Variants in SNTB1 observed in about 807,000 individuals in gnomAD.
SNTB1 encodes the protein syntrophin beta 1.
Under a neutral mutation model 48.9 loss-of-function variants are expected in SNTB1, and 36 were observed. The ratio of observed to expected loss-of-function variants is 0.74; its 90% CI spans 0.56 to 0.97. The LOEUF (loss-of-function observed/expected upper bound fraction) is 0.97. Among genes scored for constraint, SNTB1 ranks in the 50% least tolerant of loss-of-function variants. The pLI is 0.00. For missense variants in SNTB1, 786 were observed against 703.4 expected, an observed-to-expected ratio of 1.12 and a Z score of -1.33; for synonymous variants, 299 against 294.6, an observed-to-expected ratio of 1.01 and a Z score of -0.15.
intron 4 of SNTB1, among the ~76,000 whole-genome samples, chr8:120,560,414 C>A (rs1489554705): frequency 6.6e-6 from 1 of 152,114 alleles, no homozygotes; most frequent in Non-Finnish European, 1.5e-5. Flanking sequence ...ACCCTGGAGG[C>A]AGAGGTTGCA....
chr8:120,632,620 G>A lies in SNTB1; in HGVS notation c.820C>T (p.His274Tyr). ...QLEIHSPDAK[H>Y]TVILRSKDSA... ...TCCTTGCTCCTTAGGATCACCGTGT[G>A]CTTAGCATCTGGAGAGTGGATTTCA... Residue 274 changes from histidine to tyrosine, a missense_variant, in exon 3 of 7, where the codon CAC (histidine) becomes TAC (tyrosine). Transcript: ENST00000517992. The A allele has an allele frequency of 6.2e-7, 1 of 1,614,142 alleles. No individual in the cohort carries two copies. The highest frequency in any genetic ancestry group is 8.5e-7 in the Non-Finnish European group (1 of 1,180,030).
In SNTB1 at chr8:120,794,007, A is replaced by G. The variant is rs112800301; in HGVS notation, c.571+17266T>C. ...GTTTTTATACTGTAGAAGGAAAAAA[A>G]TCCTGCAATTGGTTTAGTTATGACA... On this transcript the variant is annotated intron_variant, in intron 1 of 6. Coordinates refer to ENST00000517992, the MANE Select transcript of SNTB1 (RefSeq NM_021021.4). Among the ~76,000 whole-genome samples the G allele has an allele frequency of 2.6e-3, 395 of 152,164 alleles. 3 individuals are homozygous for G. Among genetic ancestry groups the G allele is most frequent in the African/African-American group, 9.1e-3 (378 of 41,538 alleles).
chr8:120,687,986 T>C (rs989008274), intron 2 of SNTB1, among the ~76,000 whole-genome samples: 3 of 152,210 alleles, frequency 2.0e-5, no homozygotes, highest in Non-Finnish European at 4.4e-5. Context: ...TAGCAACATA[T>C]CCAGGCATCT....
chr8:120,764,547 CCT>C (rs1819483111), intron 1 of SNTB1, among the ~76,000 whole-genome samples: 1 of 151,954 alleles, frequency 6.6e-6, no homozygotes, highest in South Asian at 2.1e-4. Context: ...TTCTTTTGCC[CCT>C]GTTGATTTTT....
intron 3 of SNTB1, among the ~76,000 whole-genome samples, chr8:120,593,093 G>T (rs544343653): frequency 6.6e-6 from 1 of 152,172 alleles, no homozygotes; most frequent in South Asian, 2.1e-4. Context: ...CTCCTATCTT[G>T]CTTTGATTTT....
intron 3 of SNTB1, among the ~76,000 whole-genome samples, chr8:120,631,062 C>T (rs948779852): frequency 7.2e-5 from 11 of 152,186 alleles, no homozygotes; most frequent in Admixed American, 2.0e-4. Flanking sequence ...CGGGCATGCT[C>T]ATTTTGCTCA....
chr8:120,541,744 A>G, intron 6 of SNTB1, 66 bp downstream of exon 6: 1 of 1,160,736 alleles, frequency 8.6e-7, no homozygotes, highest in Non-Finnish European at 1.2e-6. Context: ...AGAGTAAGGC[A>G]GCATTATGTT....
chr8:120,627,225 T>A (rs1424772779), intron 3 of SNTB1, among the ~76,000 whole-genome samples: 1 of 152,230 alleles, frequency 6.6e-6, no homozygotes, highest in Non-Finnish European at 1.5e-5. Flanking sequence ...ACTTATGAAA[T>A]TACTCACAGT....
intron 5 of SNTB1, among the ~76,000 whole-genome samples, chr8:120,546,041 G>C (rs1010745638): frequency 6.6e-6 from 1 of 152,182 alleles, no homozygotes; most frequent in Non-Finnish European, 1.5e-5. Context: ...AGGCCTATCT[G>C]ACTTTAAAGC....
chr8:120,773,680 C>T, intron 1 of SNTB1, among the ~76,000 whole-genome samples: 1 of 152,160 alleles, frequency 6.6e-6, no homozygotes, highest in Non-Finnish European at 1.5e-5. Context: ...ACCGCCCAAA[C>T]CCACTGTGTG....
intron 2 of SNTB1, among the ~76,000 whole-genome samples, chr8:120,644,294 C>A (rs949164277): frequency 2.7e-5 from 4 of 146,268 alleles, no homozygotes; most frequent in Admixed American, 2.7e-4. Flanking sequence ...GTATATCTCC[C>A]GAAGCTATCC....
intron 1 of SNTB1, among the ~76,000 whole-genome samples, chr8:120,743,196 G>A (rs1819071119): frequency 6.6e-6 from 1 of 152,150 alleles, no homozygotes; most frequent in Admixed American, 6.5e-5. Flanking sequence ...CTTCTGATTA[G>A]TAGAGACCAA....
At chr8:120,811,058 G>C (rs1227117784) in intron 1 of SNTB1, among the ~76,000 whole-genome samples, 1 of 152,128 alleles carries the variant, frequency 6.6e-6, no homozygotes, top group Non-Finnish European at 1.5e-5. Flanking sequence ...AAAGACTGCG[G>C]GCTGGAGACA....
At chr8:120,760,493 G>A (rs781649831) in intron 1 of SNTB1, among the ~76,000 whole-genome samples, 1 of 152,110 alleles carries the variant, frequency 6.6e-6, no homozygotes, top group African/African-American at 2.4e-5. Flanking sequence ...ACTGGAGACC[G>A]AGCCTGGCCT....
chr8:120,604,652 T>C (rs1816482490), intron 3 of SNTB1, among the ~76,000 whole-genome samples: 1 of 152,174 alleles, frequency 6.6e-6, no homozygotes, highest in South Asian at 2.1e-4. Context: ...GGTTTCACCA[T>C]GTTGGGCAGT....
In SNTB1 at chr8:120,632,573, C is replaced by T. The variant is rs576180790; in HGVS notation, c.867G>A (p.Trp289Ter). ...TAACGTTGGAATGGATGGCACTGAACCATGCCTGGGCCGTGGCTGAGTCCT... is the reference window on the plus strand; with the variant it reads ...TAACGTTGGAATGGATGGCACTGAATCATGCCTGGGCCGTGGCTGAGTCCT... ...RSKDSATAQAWFSAIHSNVND... is the reference protein window; with the variant it reads ...RSKDSATAQA Residue 289 changes from tryptophan (W) to a stop codon, truncating the protein, a stop_gained, in exon 3 of 7, where the codon TGG (tryptophan) becomes TGA (stop). Coordinates refer to ENST00000517992, the MANE Select transcript of SNTB1 (RefSeq NM_021021.4). LOFTEE classifies it high-confidence loss of function. 2 of 1,614,138 alleles carry T rather than the reference C, an allele frequency of 1.2e-6. No homozygotes were observed. The highest frequency in any genetic ancestry group is 4.5e-5 in the East Asian group (2 of 44,880).
chr8:120,676,378 C>T (rs992125029), intron 2 of SNTB1, among the ~76,000 whole-genome samples: 1 of 152,092 alleles, frequency 6.6e-6, no homozygotes, highest in Admixed American at 6.6e-5. Context: ...TCTTATTATG[C>T]CCATTTTACA....
intron 3 of SNTB1, among the ~76,000 whole-genome samples, chr8:120,628,371 A>T (rs1257506989): frequency 6.6e-6 from 1 of 152,258 alleles, no homozygotes; most frequent in African/African-American, 2.4e-5. Context: ...AGATTGGGAA[A>T]AATGTGTTTG....
intron 1 of SNTB1, among the ~76,000 whole-genome samples, chr8:120,799,635 G>A (rs762681744): frequency 1.3e-5 from 2 of 152,014 alleles, no homozygotes; most frequent in South Asian, 2.1e-4. Context: ...ACAAAAATCA[G>A]TTTATTAGTG....
Sources: gnomAD v4.1 joint callset for allele counts (sites outside exome capture counted in the v4.1 genomes callset) on GRCh38, gnomAD v4.1.1 for gene constraint, MANE v1.5 for transcripts, NCBI Gene and HGNC (gene_info 2026-07-23, HGNC 2026-07-21) for gene names.